LCLAT1: variants seen among roughly 807,000 people sequenced by gnomAD.
LCLAT1 encodes the protein 1-AGP acyltransferase 8.
Under a neutral mutation model 30.7 loss-of-function variants are expected in LCLAT1, and 11 were observed. The observed-to-expected ratio is 0.36, with a 90% confidence interval of 0.23 to 0.59. The LOEUF (loss-of-function observed/expected upper bound fraction) is 0.59. Among genes scored for constraint, LCLAT1 ranks in the 20% least tolerant of loss-of-function variants. The pLI is 0.77. For missense variants in LCLAT1, 402 were observed against 458.6 expected, an observed-to-expected ratio of 0.88 and a Z score of 1.13; for synonymous variants, 155 against 151.3, an observed-to-expected ratio of 1.02 and a Z score of -0.18.
intron 3 of LCLAT1, among the ~76,000 whole-genome samples, chr2:30,541,878 A>C (rs186830500): frequency 5.3e-4 from 80 of 152,234 alleles, no homozygotes; most frequent in Non-Finnish European, 6.9e-4. Flanking sequence ...CCTTGTCAGC[A>C]TTAGGTGTTA....
At chr2:30,450,235 A>T (rs921873990) in intron 1 of LCLAT1, among the ~76,000 whole-genome samples, 7 of 152,246 alleles carry the variant, frequency 4.6e-5, no homozygotes, top group Non-Finnish European at 7.3e-5. Context: ...TTCTTCTGGG[A>T]TGGGCCTGGC....
intron 1 of LCLAT1, among the ~76,000 whole-genome samples, chr2:30,471,440 C>A (rs1682784818): frequency 6.6e-6 from 1 of 151,640 alleles, no homozygotes; most frequent in South Asian, 2.1e-4. Flanking sequence ...GAACTCCTGA[C>A]CTCAAGTGAT....
chr2:30,461,814 A>G (rs1572474415), intron 1 of LCLAT1, among the ~76,000 whole-genome samples: 1 of 125,510 alleles, frequency 8.0e-6, no homozygotes, highest in South Asian at 2.8e-4. Context: ...TCTGTCGCCC[A>G]GGCTGGAGTG....
intron 1 of LCLAT1, among the ~76,000 whole-genome samples, chr2:30,477,879 C>T (rs1246394342): frequency 1.3e-5 from 2 of 152,022 alleles, no homozygotes; most frequent in Admixed American, 6.6e-5. Context: ...AACAGAACAA[C>T]TTTTTAAGAC....
At chr2:30,498,101 G>T (rs919154747) in intron 1 of LCLAT1, among the ~76,000 whole-genome samples, 3 of 152,206 alleles carry the variant, frequency 2.0e-5, no homozygotes, top group African/African-American at 4.8e-5. Context: ...TGGACACCAA[G>T]GGTGAGGTTG....
chr2:30,447,764 C>T (rs1184060762), intron 1 of LCLAT1, among the ~76,000 whole-genome samples: 1 of 152,226 alleles, frequency 6.6e-6, no homozygotes, highest in Non-Finnish European at 1.5e-5. Context: ...GCTGCACTGT[C>T]CCGGAACGCA....
At chr2:30,572,062 C>A (rs1433318675) in intron 5 of LCLAT1, among the ~76,000 whole-genome samples, 3 of 152,152 alleles carry the variant, frequency 2.0e-5, no homozygotes, top group Admixed American at 1.3e-4. Context: ...GTATGCATGA[C>A]CGCATGTCAG....
intron 5 of LCLAT1, among the ~76,000 whole-genome samples, chr2:30,632,254 A>T (rs1668802436): frequency 6.6e-6 from 1 of 152,244 alleles, no homozygotes; most frequent in South Asian, 2.1e-4. Flanking sequence ...AAAAAGATTG[A>T]GTACTATCCT....
At chr2:30,491,273 A>G (rs553113992) in intron 1 of LCLAT1, among the ~76,000 whole-genome samples, 1 of 152,384 alleles carries the variant, frequency 6.6e-6, no homozygotes, top group Admixed American at 6.5e-5. Flanking sequence ...CAATAGATAC[A>G]TTAGTGCCAT....
At chr2:30,602,348 A>G (rs1667230473) in intron 5 of LCLAT1, among the ~76,000 whole-genome samples, 1 of 152,212 alleles carries the variant, frequency 6.6e-6, no homozygotes, top group Non-Finnish European at 1.5e-5. Context: ...CTCCTTCTGC[A>G]CCAGAATACC....
At chr2:30,480,756 G>A (rs928273669) in intron 1 of LCLAT1, among the ~76,000 whole-genome samples, 9 of 152,116 alleles carry the variant, frequency 5.9e-5, no homozygotes, top group African/African-American at 2.2e-4. Flanking sequence ...TGTTTCTGGG[G>A]TTGGGGAAAA....
chr2:30,623,525 A>G (rs965210365), intron 5 of LCLAT1, among the ~76,000 whole-genome samples: 1 of 152,188 alleles, frequency 6.6e-6, no homozygotes, highest in Admixed American at 6.5e-5. Flanking sequence ...CAGAGCTCAG[A>G]CAAGGCTTTC....
intron 1 of LCLAT1, among the ~76,000 whole-genome samples, chr2:30,471,490 G>A (rs1046463329): frequency 5.3e-5 from 8 of 152,318 alleles, no homozygotes; most frequent in South Asian, 2.1e-4. Context: ...GATCACAGGC[G>A]TGAGCCACTG....
At chr2:30,583,063 CTTTATTTAAAGTGTT>C (rs756972984) in intron 5 of LCLAT1, among the ~76,000 whole-genome samples, 4 of 152,110 alleles carry the variant, frequency 2.6e-5, no homozygotes, top group Non-Finnish European at 4.4e-5. Flanking sequence ...CTAATTAGCT[CTTTATTTAAAGTGTT>C]TTTATTTAAA....
intron 5 of LCLAT1, among the ~76,000 whole-genome samples, chr2:30,580,089 A>G (rs1325615389): frequency 6.6e-6 from 1 of 152,162 alleles, no homozygotes; most frequent in Non-Finnish European, 1.5e-5. Flanking sequence ...GATGGCATAT[A>G]GTAGGAAAAG....
At chr2:30,489,598 C>T (rs760595617) in intron 1 of LCLAT1, among the ~76,000 whole-genome samples, 7 of 152,178 alleles carry the variant, frequency 4.6e-5, no homozygotes, top group South Asian at 2.1e-4. Context: ...GTGATCTGCC[C>T]GCCTTGGCCT....
intron 5 of LCLAT1, among the ~76,000 whole-genome samples, chr2:30,608,415 T>C (rs1422839337): frequency 6.6e-6 from 1 of 152,046 alleles, no homozygotes; most frequent in African/African-American, 2.4e-5. Flanking sequence ...GTACAGTGTT[T>C]ATTAAAGTCT....
intron 1 of LCLAT1, among the ~76,000 whole-genome samples, chr2:30,469,497 C>T (rs1388822959): frequency 1.3e-5 from 2 of 151,940 alleles, no homozygotes; most frequent in East Asian, 1.9e-4. Context: ...GGTCTTTGCA[C>T]CCTCGTTGAA....
At chr2:30,578,558 TAGA>T (rs569958689) in intron 5 of LCLAT1, among the ~76,000 whole-genome samples, 1 of 152,172 alleles carries the variant, frequency 6.6e-6, no homozygotes, top group Non-Finnish European at 1.5e-5. Context: ...TAACTTAAAG[TAGA>T]AGAAGTGTTA....
Sources: allele counts gnomAD v4.1 joint callset (sites outside exome capture counted in the v4.1 genomes callset), GRCh38; gene constraint gnomAD v4.1.1; transcripts MANE v1.5; gene names NCBI Gene and HGNC (gene_info 2026-07-23, HGNC 2026-07-21).